CD99L2: variants seen among roughly 807,000 people sequenced by gnomAD.
CD99L2 encodes CD99 molecule like 2.
In CD99L2, 24 loss-of-function variants were observed where a neutral mutation model predicts 27.3. That is an observed-to-expected ratio of 0.88 (90% confidence interval 0.64 to 1.24). CD99L2 has a LOEUF of 1.24. CD99L2 is among the 50% of genes most tolerant of loss of function. The pLI, the probability that CD99L2 is intolerant of heterozygous loss-of-function variation, is 0.00. For missense variants in CD99L2, 255 were observed against 221.6 expected, an observed-to-expected ratio of 1.15 and a Z score of -0.96; for synonymous variants, 97 against 87.9, an observed-to-expected ratio of 1.10 and a Z score of -0.58.
chrX:150,878,595 A>G (rs1396224784), intron 1 of CD99L2, among the ~76,000 whole-genome samples: 1 of 110,333 alleles, frequency 9.1e-6, no homozygotes, highest in Non-Finnish European at 1.9e-5. Context: ...TTTTCCTAAG[A>G]CTCTCACCTA....
chrX:150,881,732 T>C (rs782813479), intron 1 of CD99L2, among the ~76,000 whole-genome samples: 1 of 112,289 alleles, frequency 8.9e-6, no homozygotes, highest in Non-Finnish European at 1.9e-5. Context: ...TCAGGGTGTT[T>C]GAGTCAAGCC....
At chrX:150,867,892 C>CAAAA in intron 1 of CD99L2, among the ~76,000 whole-genome samples, 1 of 19,223 alleles carries the variant, frequency 5.2e-5, no homozygotes, top group Non-Finnish European at 7.9e-5. Context: ...GACTCTGTCT[C>CAAAA]AAAAAAAAAA....
At chrX:150,771,169 G>A (rs1348842611) in intron 9 of CD99L2, among the ~76,000 whole-genome samples, 1 of 112,005 alleles carries the variant, frequency 8.9e-6, no homozygotes, top group African/African-American at 3.2e-5. Flanking sequence ...GAAAACTGGG[G>A]CATGGTTCCA....
At chrX:150,858,081 T>A (rs782819320) in intron 1 of CD99L2, among the ~76,000 whole-genome samples, 35 of 112,373 alleles carry the variant, frequency 3.1e-4, no homozygotes, top group African/African-American at 9.4e-4. Flanking sequence ...AAATGGACTT[T>A]AAGGCAAAAA....
chrX:150,780,459 G>A (rs1474845988), intron 7 of CD99L2, among the ~76,000 whole-genome samples: 2 of 111,807 alleles, frequency 1.8e-5, no homozygotes, highest in Non-Finnish European at 3.8e-5. Flanking sequence ...ATATATACCC[G>A]AGGTAACTGA....
At chrX:150,824,707 GGAA>G (rs10695052) in intron 2 of CD99L2, among the ~76,000 whole-genome samples, 44 of 93,660 alleles carry the variant, frequency 4.7e-4, no homozygotes, top group African/African-American at 1.6e-3. Flanking sequence ...AAGAGGAAGA[GGAA>G]GAAGAAGAAG....
chrX:150,893,622 A>G (rs180997329), intron 1 of CD99L2, among the ~76,000 whole-genome samples: 15 of 109,031 alleles, frequency 1.4e-4, no homozygotes, highest in African/African-American at 4.3e-4. Context: ...ATTTTTTTTA[A>G]TGGCAATGTA....
At chrX:150,789,390 G>C (rs1056770217) in intron 7 of CD99L2, among the ~76,000 whole-genome samples, 1 of 111,721 alleles carries the variant, frequency 9.0e-6, no homozygotes, top group Admixed American at 9.4e-5. Context: ...CAGAAGTGCT[G>C]GGATTACAGG....
chrX:150,885,022 G>A (rs898153390), intron 1 of CD99L2, among the ~76,000 whole-genome samples: 18 of 112,151 alleles, frequency 1.6e-4, no homozygotes, highest in African/African-American at 5.8e-4. Context: ...TACACATGGT[G>A]TGATCCCATT....
intron 1 of CD99L2, among the ~76,000 whole-genome samples, chrX:150,867,348 T>G (rs1247497056): frequency 5.4e-5 from 6 of 111,431 alleles, no homozygotes; most frequent in African/African-American, 1.6e-4. Context: ...AAGCAAAGGT[T>G]GTAGTGAGCT....
rs1297105548 is a variant in CD99L2, at chrX:150,824,704, AGAG to A, written c.130+6524_130+6526del. Among the ~76,000 whole-genome samples the A allele has an allele frequency of 3.3e-3, 293 of 88,932 alleles. 3 individuals are homozygous for A. Among genetic ancestry groups the A allele is most frequent in the African/African-American group, 0.013 (269 of 21,246 alleles). The allele number at this position is 88,932 out of a possible 115,157, so 77.2% of individuals were successfully genotyped here. ...AAGAAGAAGAGGAAGAGGAAGAGGA[AGAG>A]GAAGAAGAAGAAGAAGAAGAAGAAA... On this transcript the variant is annotated intron_variant, in intron 2 of 10. Coordinates refer to ENST00000370377, the MANE Select transcript of CD99L2 (RefSeq NM_031462.4).
intron 7 of CD99L2, among the ~76,000 whole-genome samples, chrX:150,792,747 C>G (rs1332508529): frequency 1.8e-5 from 2 of 112,110 alleles, no homozygotes; most frequent in South Asian, 3.7e-4. Context: ...TAACATGTTG[C>G]TATCACAACA....
chrX:150,846,178 C>A lies in CD99L2; in HGVS notation c.68-14885G>T, dbSNP rs1033516001. The stretch of plus-strand genomic sequence containing the variant: ...CTGCACTCCAGCCTAGGCGACAGTG[C>A]GAGACTCTATCTCAAAAAAGAAAAA... On this transcript the variant is annotated intron_variant, in intron 1 of 10. Coordinates refer to ENST00000370377, the MANE Select transcript of CD99L2 (RefSeq NM_031462.4). 2.7e-5 allele frequency among the ~76,000 whole-genome samples: 3 copies of A among 111,445 alleles called. No individual in the cohort carries two copies. The East Asian group carries it at 8.4e-4, about 31-fold the overall frequency.
chrX:150,822,916 G>A (rs1786936082), intron 2 of CD99L2, among the ~76,000 whole-genome samples: 2 of 112,126 alleles, frequency 1.8e-5, no homozygotes, highest in Non-Finnish European at 3.8e-5. Context: ...CGTGTCATGG[G>A]AGGGACCCAG....
chrX:150,824,707 G>GGAAGAAGAA (rs10695052), intron 2 of CD99L2, among the ~76,000 whole-genome samples: 1,546 of 93,634 alleles, frequency 0.017, 24 homozygotes, highest in African/African-American at 0.04. Context: ...AAGAGGAAGA[G>GGAAGAAGAA]GAAGAAGAAG....
chrX:150,778,447 GTA>G (rs1395123566), intron 7 of CD99L2, among the ~76,000 whole-genome samples: 1 of 98,844 alleles, frequency 1.0e-5, no homozygotes, highest in Non-Finnish European at 2.0e-5. Context: ...TTGTAAAAAT[GTA>G]CCACTCTGGC....
At chrX:150,848,569 A>AC (rs1363932382) in intron 1 of CD99L2, among the ~76,000 whole-genome samples, 12 of 110,878 alleles carry the variant, frequency 1.1e-4, no homozygotes, top group Admixed American at 4.8e-4. Flanking sequence ...AAAAAAAAAA[A>AC]AAAACAGCAA....
chrX:150,794,882 G>C (rs1363104097), intron 6 of CD99L2, among the ~76,000 whole-genome samples: 1 of 112,758 alleles, frequency 8.9e-6, no homozygotes, highest in Non-Finnish European at 1.9e-5. Context: ...ACAAGTTTTT[G>C]TCTTGCCAAG....
At chrX:150,850,481 G>T (rs1031550316) in intron 1 of CD99L2, among the ~76,000 whole-genome samples, 1 of 111,866 alleles carries the variant, frequency 8.9e-6, no homozygotes, top group Non-Finnish European at 1.9e-5. Flanking sequence ...ACCAGCGGAC[G>T]TGCACATAGA....
Sources: allele counts gnomAD v4.1 joint callset (sites outside exome capture counted in the v4.1 genomes callset), GRCh38; gene constraint gnomAD v4.1.1; transcripts MANE v1.5; gene names NCBI Gene and HGNC (gene_info 2026-07-23, HGNC 2026-07-21).